The following HTR1E variants were observed in gnomAD, a reference collection of about 807,000 sequenced individuals.
HTR1E encodes 5-HT-1E.
A neutral mutation model predicts 3.4 loss-of-function variants in HTR1E; 3 were observed. That is an observed-to-expected ratio of 0.89 (90% CI 0.41 to 2.31). HTR1E has a LOEUF of 2.31. Among genes scored for constraint, HTR1E ranks in the 30% most tolerant of loss-of-function variants. The pLI is 0.05. For missense variants in HTR1E, 392 were observed against 467.0 expected, an observed-to-expected ratio of 0.84 and a Z score of 1.48; for synonymous variants, 170 against 182.8, an observed-to-expected ratio of 0.93 and a Z score of 0.56.
chr6:86,955,187 C>T (rs1582258960), intron 1 of HTR1E, among the ~76,000 whole-genome samples: 1 of 152,340 alleles, frequency 6.6e-6, no homozygotes, highest in African/African-American at 2.4e-5. Context: ...GGTTCCCATG[C>T]AGATTATCTT....
chr6:86,938,620 T>A (rs1768504068), intron 1 of HTR1E, among the ~76,000 whole-genome samples: 1 of 152,194 alleles, frequency 6.6e-6, no homozygotes, highest in African/African-American at 2.4e-5. Context: ...ACGCTGCTTG[T>A]CCTTGAGTTA....
chr6:86,955,120 G>A (rs1767302693), intron 1 of HTR1E, among the ~76,000 whole-genome samples: 1 of 152,140 alleles, frequency 6.6e-6, no homozygotes, highest in African/African-American at 2.4e-5. Context: ...TCTTGTCAGG[G>A]CAATCTCTTC....
At chr6:86,962,787 A>G (rs1414785997) in intron 1 of HTR1E, among the ~76,000 whole-genome samples, 1 of 152,152 alleles carries the variant, frequency 6.6e-6, no homozygotes, top group Non-Finnish European at 1.5e-5. Flanking sequence ...GCAGTGAACC[A>G]AGATTGTGCC....
intron 1 of HTR1E, among the ~76,000 whole-genome samples, chr6:87,003,115 A>G (rs761901212): frequency 3.3e-5 from 5 of 152,348 alleles, no homozygotes; most frequent in African/African-American, 4.8e-5. Context: ...TTGAAATGAT[A>G]TCAAATATCT....
At chr6:86,956,898 A>G (rs569946864) in intron 1 of HTR1E, among the ~76,000 whole-genome samples, 1 of 152,278 alleles carries the variant, frequency 6.6e-6, no homozygotes, top group South Asian at 2.1e-4. Context: ...AAAATGATAA[A>G]AGGTATGTGA....
At chr6:86,950,502 A>G (rs535820221) in intron 1 of HTR1E, among the ~76,000 whole-genome samples, 1 of 152,338 alleles carries the variant, frequency 6.6e-6, no homozygotes, top group African/African-American at 2.4e-5. Context: ...CTGCAAAGGT[A>G]TTGAACAAGG....
chr6:86,953,072 C>T (rs965134508), intron 1 of HTR1E, among the ~76,000 whole-genome samples: 5 of 152,134 alleles, frequency 3.3e-5, no homozygotes, highest in African/African-American at 1.2e-4. Context: ...CTCAGCCAAC[C>T]AGTTTCATAT....
intron 1 of HTR1E, among the ~76,000 whole-genome samples, chr6:86,974,957 T>C (rs2127823929): frequency 6.6e-6 from 1 of 152,322 alleles, no homozygotes; most frequent in East Asian, 1.9e-4. Context: ...CATTCGCATT[T>C]TCTCTTCCCC....
intron 1 of HTR1E, among the ~76,000 whole-genome samples, chr6:86,991,323 C>T (rs141556242): frequency 1.3e-5 from 2 of 152,118 alleles, no homozygotes; most frequent in South Asian, 2.1e-4. Flanking sequence ...TTAATAGTAA[C>T]GAGCCAATGT....
Position 86,995,665 on chromosome 6 carries a change from CAAAA to C in HTR1E, c.-185-19466_-185-19463del, listed in dbSNP as rs60134206. ...TGGGTGACAGAGTGAGACTCCATCT[CAAAA>C]AAAAAAAAAAAAAAAAAAGAAAAAA... is the stretch of plus-strand genomic sequence containing the variant. On this transcript the variant is annotated intron_variant, in intron 1 of 1. Transcript: ENST00000305344. 5.0e-3 allele frequency among the ~76,000 whole-genome samples: 185 copies of C among 36,696 alleles called. 1 individual carries two copies. Among genetic ancestry groups the C allele is most frequent in the African/African-American group, 0.017 (175 of 10,054 alleles). The allele number at this position is 36,696 out of a possible 152,430, so 24.1% of individuals were successfully genotyped here.
chr6:86,998,502 G>T (rs1273878285), intron 1 of HTR1E, among the ~76,000 whole-genome samples: 2 of 152,054 alleles, frequency 1.3e-5, no homozygotes, highest in African/African-American at 4.8e-5. Flanking sequence ...AAGGAATCAT[G>T]AAATTAGAAA....
At chr6:87,009,865 C>T (rs1249710334) in intron 1 of HTR1E, among the ~76,000 whole-genome samples, 11 of 106,318 alleles carry the variant, frequency 1.0e-4, no homozygotes, top group East Asian at 7.1e-4. Flanking sequence ...CCGGACGGGG[C>T]GGCTGGCCGG....
At chr6:86,980,359 C>A (rs1767694602) in intron 1 of HTR1E, among the ~76,000 whole-genome samples, 1 of 150,568 alleles carries the variant, frequency 6.6e-6, no homozygotes, top group Non-Finnish European at 1.5e-5. Flanking sequence ...TGCACTCCAG[C>A]CTGGGCAACA....
chr6:86,950,182 CA>C (rs1411887534), intron 1 of HTR1E, among the ~76,000 whole-genome samples: 1 of 152,136 alleles, frequency 6.6e-6, no homozygotes, highest in African/African-American at 2.4e-5. Context: ...TTGAATTATA[CA>C]AAATTTCACT....
chr6:86,965,007 G>T (rs1355313156), intron 1 of HTR1E, among the ~76,000 whole-genome samples: 1 of 152,180 alleles, frequency 6.6e-6, no homozygotes, highest in Non-Finnish European at 1.5e-5. Context: ...AACCAAATCT[G>T]CTCAATGAAT....
intron 1 of HTR1E, among the ~76,000 whole-genome samples, chr6:86,944,311 T>A (rs550910181): frequency 3.9e-5 from 6 of 152,280 alleles, no homozygotes; most frequent in Middle Eastern, 3.4e-3. Flanking sequence ...GAGGAATACC[T>A]ACAGGAACCA....
chr6:86,966,410 C>T (rs999620863), intron 1 of HTR1E, among the ~76,000 whole-genome samples: 1 of 152,200 alleles, frequency 6.6e-6, no homozygotes, highest in Admixed American at 6.5e-5. Context: ...GTGGATAATG[C>T]AAAGTATACA....
At chr6:86,965,054 C>G (rs955422372) in intron 1 of HTR1E, among the ~76,000 whole-genome samples, 1 of 152,148 alleles carries the variant, frequency 6.6e-6, no homozygotes, top group Non-Finnish European at 1.5e-5. Flanking sequence ...CTTTATAGGT[C>G]AAATTCCCTA....
chr6:86,978,248 G>A (rs1767666230), intron 1 of HTR1E, among the ~76,000 whole-genome samples: 1 of 152,124 alleles, frequency 6.6e-6, no homozygotes, highest in Admixed American at 6.5e-5. Flanking sequence ...AAATGACTGA[G>A]GAAAACAAAT....
Sources: allele counts gnomAD v4.1 joint callset (sites outside exome capture counted in the v4.1 genomes callset), GRCh38; gene constraint gnomAD v4.1.1; transcripts MANE v1.5; gene names NCBI Gene and HGNC (gene_info 2026-07-23, HGNC 2026-07-21).